The following TRPM3 variants were observed in gnomAD, a reference collection of about 807,000 sequenced individuals.
TRPM3 encodes the protein long transient receptor potential channel 3.
Under a neutral mutation model 181.2 loss-of-function variants are expected in TRPM3, and 77 were observed. The ratio of observed to expected loss-of-function variants is 0.42; its 90% CI spans 0.35 to 0.51. The LOEUF (loss-of-function observed/expected upper bound fraction) is 0.51. Among genes scored for constraint, TRPM3 ranks in the 20% least tolerant of loss-of-function variants. The pLI, the probability that TRPM3 is intolerant of heterozygous loss-of-function variation, is 0.01. For synonymous variants in TRPM3, 745 were observed against 796.4 expected, an observed-to-expected ratio of 0.94 and a Z score of 1.09; for missense variants, 1,759 against 2,196.7, an observed-to-expected ratio of 0.80 and a Z score of 3.98.
chr9:70,552,837 A>C lies in TRPM3; in HGVS notation c.3574+7T>G. On this transcript the variant is annotated splice_region_variant and intron_variant, in intron 24 of 25. Coordinates refer to ENST00000677713, the MANE Select transcript of TRPM3 (RefSeq NM_001366145.2). The stretch of plus-strand genomic sequence containing the variant: ...TTGTGGCAGCTCGGCTGTCGCTTGA[A>C]GCTTACTCAGGCCGTAGTCCCTTTC... 6.2e-7 allele frequency: 1 copy of C among 1,613,576 alleles called. No individual in the cohort carries two copies. The highest frequency in any genetic ancestry group is 8.5e-7 in the Non-Finnish European group (1 of 1,179,994).
intron 5 of TRPM3, among the ~76,000 whole-genome samples, chr9:70,830,280 G>A (rs1588958033): frequency 6.6e-6 from 1 of 152,312 alleles, no homozygotes; most frequent in Non-Finnish European, 1.5e-5. Flanking sequence ...CCAAGCTGAT[G>A]TATTCACCAC....
intron 3 of TRPM3, among the ~76,000 whole-genome samples, chr9:70,847,404 G>A (rs2095016802): frequency 6.6e-6 from 1 of 152,098 alleles, no homozygotes; most frequent in Admixed American, 6.6e-5. Context: ...CTTTGAAATA[G>A]GTTTCTGAGT....
At chr9:71,159,693 T>A (rs1247554983) in intron 1 of TRPM3, among the ~76,000 whole-genome samples, 1 of 152,136 alleles carries the variant, frequency 6.6e-6, no homozygotes, top group African/African-American at 2.4e-5. Context: ...AACGTGGGTA[T>A]ATGTCAATAC....
chr9:71,199,986 T>C (rs2078670692), intron 1 of TRPM3, among the ~76,000 whole-genome samples: 1 of 152,252 alleles, frequency 6.6e-6, no homozygotes, highest in South Asian at 2.1e-4. Flanking sequence ...TTTGGATGTT[T>C]CCTGCTTTCT....
At chr9:71,108,268 A>C (rs2070197557) in intron 1 of TRPM3, among the ~76,000 whole-genome samples, 1 of 152,198 alleles carries the variant, frequency 6.6e-6, no homozygotes, top group Non-Finnish European at 1.5e-5. Flanking sequence ...TGCAGAGTGA[A>C]ATCATAGTTT....
chr9:71,226,940 A>C (rs760995854), intron 1 of TRPM3, among the ~76,000 whole-genome samples: 4 of 151,938 alleles, frequency 2.6e-5, no homozygotes, highest in Non-Finnish European at 4.4e-5. Context: ...CAGAGTACAC[A>C]TTCTTCTTCT....
intron 1 of TRPM3, among the ~76,000 whole-genome samples, chr9:71,325,535 C>A (rs1187069783): frequency 6.6e-6 from 1 of 152,100 alleles, no homozygotes; most frequent in African/African-American, 2.4e-5. Context: ...ATAAAATCCA[C>A]TTTTACTCAG....
chr9:71,364,843 C>G (rs1050024948), intron 1 of TRPM3, among the ~76,000 whole-genome samples: 12 of 152,180 alleles, frequency 7.9e-5, no homozygotes, highest in African/African-American at 2.9e-4. Context: ...TACTGATACA[C>G]AAGAATACAT....
At chr9:71,290,341 C>CA (rs1588319882) in intron 1 of TRPM3, among the ~76,000 whole-genome samples, 2 of 151,744 alleles carry the variant, frequency 1.3e-5, no homozygotes, top group African/African-American at 4.8e-5. Flanking sequence ...TTAAAATTGG[C>CA]AAAAAAGAGA....
chr9:71,053,110 A>AG (rs2060251286), intron 1 of TRPM3, among the ~76,000 whole-genome samples: 1 of 150,944 alleles, frequency 6.6e-6, no homozygotes. Context: ...AAAAAAAAAA[A>AG]AAAAAAAGCA....
intron 5 of TRPM3, among the ~76,000 whole-genome samples, chr9:70,831,962 A>AATATATATATATATATATATATAT (rs71367232): frequency 1.6e-5 from 1 of 64,252 alleles, no homozygotes; most frequent in Admixed American, 1.8e-4. Flanking sequence ...GTACCCCATA[A>AATATATATATATATATATATATAT]ATATATATAT....
intron 1 of TRPM3, among the ~76,000 whole-genome samples, chr9:71,184,133 T>C (rs1297109813): frequency 6.6e-6 from 1 of 152,148 alleles, no homozygotes; most frequent in African/African-American, 2.4e-5. Context: ...CTCTTCGAGA[T>C]GTTACCATTG....
Position 70,595,010 on chromosome 9 carries a change from C to T in TRPM3, c.3048+3409G>A, listed in dbSNP as rs554569396. Among the ~76,000 whole-genome samples, 20 of 152,276 alleles carry T rather than the reference C, an allele frequency of 1.3e-4. 1 individual carries two copies. In the South Asian group the frequency reaches 2.5e-3, roughly 19 times the overall value. On this transcript the variant is annotated intron_variant, in intron 21 of 25. Coordinates refer to ENST00000677713, the MANE Select transcript of TRPM3 (RefSeq NM_001366145.2). ...AGTCCCCAAGTGTACTCATTTTGTA[C>T]TTATTCTTGACTGATAAATGAAGTC...
chr9:70,669,117 G>A (rs994077509), intron 9 of TRPM3, among the ~76,000 whole-genome samples: 1 of 152,176 alleles, frequency 6.6e-6, no homozygotes, highest in Non-Finnish European at 1.5e-5. Flanking sequence ...TGTAACTAGG[G>A]GCTGGGGGTG....
At chr9:71,375,455 T>C (rs1184305420) in intron 1 of TRPM3, among the ~76,000 whole-genome samples, 3 of 152,156 alleles carry the variant, frequency 2.0e-5, no homozygotes, top group Admixed American at 6.5e-5. Context: ...ATTCAGGACA[T>C]AGGCATGGGC....
At chr9:70,654,742 G>C (rs1437600661) in intron 9 of TRPM3, among the ~76,000 whole-genome samples, 1 of 150,262 alleles carries the variant, frequency 6.7e-6, no homozygotes, top group Non-Finnish European at 1.5e-5. Flanking sequence ...GAGTGCAGTG[G>C]CGCGATCTTG....
intron 1 of TRPM3, among the ~76,000 whole-genome samples, chr9:71,096,624 T>C (rs995181130): frequency 7.0e-5 from 10 of 142,430 alleles, no homozygotes; most frequent in African/African-American, 2.1e-4. Context: ...TCTCTCTCTC[T>C]CCCCCTCTCC....
intron 7 of TRPM3, among the ~76,000 whole-genome samples, chr9:70,781,555 G>A (rs1418839061): frequency 6.6e-6 from 1 of 151,830 alleles, no homozygotes; most frequent in Non-Finnish European, 1.5e-5. Context: ...GAAGACAACT[G>A]AAGTGCATTT....
At chr9:70,899,161 G>A (rs939858062) in intron 1 of TRPM3, among the ~76,000 whole-genome samples, 1 of 152,302 alleles carries the variant, frequency 6.6e-6, no homozygotes, top group African/African-American at 2.4e-5. Context: ...AGGGTAAACC[G>A]AAATTTAGAG....
Sources: allele counts gnomAD v4.1 joint callset (sites outside exome capture counted in the v4.1 genomes callset), GRCh38; gene constraint gnomAD v4.1.1; transcripts MANE v1.5; gene names NCBI Gene and HGNC (gene_info 2026-07-23, HGNC 2026-07-21).